The following MACROD2 variants were observed in gnomAD, a reference collection of about 807,000 sequenced individuals.
MACROD2 encodes ADP-ribose glycohydrolase MACROD2.
Under a neutral mutation model 70.4 loss-of-function variants are expected in MACROD2, and 36 were observed. The ratio of observed to expected loss-of-function variants is 0.51; its 90% CI spans 0.39 to 0.68. The LOEUF (loss-of-function observed/expected upper bound fraction) is 0.68. MACROD2 is among the 30% of genes least tolerant of loss of function. The pLI is 0.00. For missense variants in MACROD2, 496 were observed against 538.4 expected (o/e 0.92, Z 0.78); for synonymous variants, 172 against 178.8 (o/e 0.96, Z 0.30).
chr20:15,142,686 G>A (rs1013692126), intron 5 of MACROD2, among the ~76,000 whole-genome samples: 7 of 132,398 alleles, frequency 5.3e-5, no homozygotes, highest in Middle Eastern at 4.5e-3. Flanking sequence ...GACAGGCCCC[G>A]GTGTGTGATG....
intron 4 of MACROD2, among the ~76,000 whole-genome samples, chr20:14,583,167 C>A (rs1981155130): frequency 6.6e-6 from 1 of 152,172 alleles, no homozygotes; most frequent in Non-Finnish European, 1.5e-5. Context: ...TGTGCAAGCT[C>A]AGATTCATCT....
chr20:15,379,924 G>GA (rs2045617804), intron 6 of MACROD2, among the ~76,000 whole-genome samples: 1 of 152,166 alleles, frequency 6.6e-6, no homozygotes, highest in African/African-American at 2.4e-5. Context: ...TGCGTATTGT[G>GA]AACCTAACTT....
intron 5 of MACROD2, among the ~76,000 whole-genome samples, chr20:14,761,911 C>T (rs2072020695): frequency 6.6e-6 from 1 of 152,148 alleles, no homozygotes; most frequent in African/African-American, 2.4e-5. Flanking sequence ...AATACTTAGG[C>T]ATTTTCTCAC....
At chr20:14,546,697 ACTC>A (rs2085494553) in intron 4 of MACROD2, among the ~76,000 whole-genome samples, 1 of 151,434 alleles carries the variant, frequency 6.6e-6, no homozygotes, top group African/African-American at 2.4e-5. Context: ...TCTCAGCTAA[ACTC>A]CTTCAGTTAG....
At chr20:14,946,013 G>A (rs2074428942) in intron 5 of MACROD2, among the ~76,000 whole-genome samples, 1 of 152,120 alleles carries the variant, frequency 6.6e-6, no homozygotes, top group African/African-American at 2.4e-5. Flanking sequence ...TTCGACACCA[G>A]CCTGGCCAAC....
intron 8 of MACROD2, among the ~76,000 whole-genome samples, chr20:15,837,619 C>G (rs1388188911): frequency 6.6e-6 from 1 of 152,116 alleles, no homozygotes; most frequent in Admixed American, 6.6e-5. Flanking sequence ...CAAAGTGCAG[C>G]CTTTCATTTC....
At chr20:14,724,789 T>C (rs1049483128) in intron 5 of MACROD2, among the ~76,000 whole-genome samples, 2 of 152,184 alleles carry the variant, frequency 1.3e-5, no homozygotes, top group African/African-American at 4.8e-5. Context: ...TGTAGAGTCC[T>C]GTAAGCCAAG....
chr20:15,420,015 C>G (rs1456265245), intron 6 of MACROD2, among the ~76,000 whole-genome samples: 1 of 152,172 alleles, frequency 6.6e-6, no homozygotes, highest in African/African-American at 2.4e-5. Context: ...TGTAAACATT[C>G]TAGAACAGGA....
At chr20:14,266,003 C>T (rs2082141769) in intron 3 of MACROD2, among the ~76,000 whole-genome samples, 1 of 152,168 alleles carries the variant, frequency 6.6e-6, no homozygotes, top group South Asian at 2.1e-4. Context: ...GTCTCAATCT[C>T]CTGACCTCGT....
At chr20:14,410,158 A>T (rs2083734305) in intron 3 of MACROD2, among the ~76,000 whole-genome samples, 1 of 151,890 alleles carries the variant, frequency 6.6e-6, no homozygotes, top group Admixed American at 6.6e-5. Context: ...CATGCTTAAG[A>T]ATCTTGAAAA....
chr20:15,732,354 T>A (rs1448813498), intron 8 of MACROD2, among the ~76,000 whole-genome samples: 3 of 152,180 alleles, frequency 2.0e-5, no homozygotes, highest in African/African-American at 7.2e-5. Context: ...AGAGCCACAA[T>A]GACTGCTGCA....
At chr20:15,080,674 A>G (rs997238192) in intron 5 of MACROD2, among the ~76,000 whole-genome samples, 1 of 152,060 alleles carries the variant, frequency 6.6e-6, no homozygotes, top group Non-Finnish European at 1.5e-5. Context: ...CCTGTGTTCC[A>G]GACTCATTCA....
chr20:15,872,614 A>G (rs1241646893), intron 9 of MACROD2, among the ~76,000 whole-genome samples: 1 of 152,198 alleles, frequency 6.6e-6, no homozygotes, highest in Admixed American at 6.6e-5. Flanking sequence ...TTCACTAGAT[A>G]TGTACACCAA....
At chr20:14,062,086 G>A (rs1048777624) in intron 2 of MACROD2, among the ~76,000 whole-genome samples, 27 of 152,088 alleles carry the variant, frequency 1.8e-4, no homozygotes, top group African/African-American at 6.5e-4. Flanking sequence ...AAAATATCAT[G>A]CCTAAGTCAT....
intron 5 of MACROD2, among the ~76,000 whole-genome samples, chr20:14,946,368 A>G (rs1276711587): frequency 6.6e-6 from 1 of 152,182 alleles, no homozygotes; most frequent in Non-Finnish European, 1.5e-5. Flanking sequence ...TACCAATAAT[A>G]TATGGATTTT....
chr20:16,001,419 G>T (rs1485695762), intron 15 of MACROD2, among the ~76,000 whole-genome samples: 1 of 152,184 alleles, frequency 6.6e-6, no homozygotes, highest in Non-Finnish European at 1.5e-5. Context: ...AAGGGGTTTG[G>T]ATTGATTGTA....
chr20:14,412,085 C>G (rs1006003457), intron 3 of MACROD2, among the ~76,000 whole-genome samples: 1 of 152,164 alleles, frequency 6.6e-6, no homozygotes, highest in African/African-American at 2.4e-5. Flanking sequence ...AGAATTCTGT[C>G]TTCCTTTTAA....
Position 14,918,467 on chromosome 20 carries a change from T to A in MACROD2, c.418+233508T>A, listed in dbSNP as rs1010902446. Among the ~76,000 whole-genome samples, 11 of 152,208 alleles carry A rather than the reference T, an allele frequency of 7.2e-5. 1 individual carries two copies. The East Asian group carries it at 1.4e-3, about 19-fold the overall frequency. The stretch of plus-strand genomic sequence containing the variant: ...CTTGGCTAGAAGGATTCCTCTCACA[T>A]TGGATAGGAGAGTAGGCATATGCCA... On this transcript the variant is annotated intron_variant, in intron 5 of 17. Coordinates refer to ENST00000684519, the MANE Select transcript of MACROD2 (RefSeq NM_001351661.2).
chr20:14,403,505 T>C (rs1419503938), intron 3 of MACROD2, among the ~76,000 whole-genome samples: 4 of 152,196 alleles, frequency 2.6e-5, no homozygotes, highest in East Asian at 3.8e-4. Context: ...CAGTTTGCTA[T>C]TGAAACATTA....
Sources: allele counts gnomAD v4.1 joint callset (sites outside exome capture counted in the v4.1 genomes callset), GRCh38; gene constraint gnomAD v4.1.1; transcripts MANE v1.5; gene names NCBI Gene and HGNC (gene_info 2026-07-23, HGNC 2026-07-21).